NAA11: variants seen among roughly 807,000 people sequenced by gnomAD.
The protein encoded by NAA11 is N-alpha-acetyltransferase 11, NatA catalytic subunit.
Under a neutral mutation model 16.1 loss-of-function variants are expected in NAA11, and 15 were observed. The observed-to-expected ratio is 0.93, with a 90% CI of 0.62 to 1.44. The LOEUF (loss-of-function observed/expected upper bound fraction) is 1.44, where lower values mean the gene tolerates loss of function less well. Among genes scored for constraint, NAA11 ranks in the 40% most tolerant of loss-of-function variants. NAA11 has a pLI of 0.00. For synonymous variants in NAA11, 122 were observed against 112.4 expected (o/e 1.09, Z -0.54); for missense variants, 298 against 291.3 (o/e 1.02, Z -0.17).
intron 2 of NAA11, among the ~76,000 whole-genome samples, chr4:79,259,541 C>T (rs1722202409): frequency 6.6e-6 from 1 of 152,204 alleles, no homozygotes. Flanking sequence ...GCATGGGATC[C>T]AGACTGGTAG....
chr4:79,298,396 T>G (rs1723287219), intron 1 of NAA11, among the ~76,000 whole-genome samples: 1 of 152,206 alleles, frequency 6.6e-6, no homozygotes, highest in Non-Finnish European at 1.5e-5. Flanking sequence ...TGTGGCCCTT[T>G]GGGGATCCCA....
chr4:79,208,945 A>AAAAAAC, the NAA11 span, among the ~76,000 whole-genome samples: 1 of 149,040 alleles, frequency 6.7e-6, no homozygotes, highest in Non-Finnish European at 1.5e-5. Context: ...AAAAAAAAAA[A>AAAAAAC]AACCCCAAAA....
intron 2 of NAA11, among the ~76,000 whole-genome samples, chr4:79,267,874 T>C (rs1165194418): frequency 1.3e-5 from 2 of 152,124 alleles, no homozygotes; most frequent in Non-Finnish European, 2.9e-5. Context: ...CTGCCTGCCA[T>C]ATGTTCATAT....
At chr4:79,193,475 A>T in the NAA11 span, among the ~76,000 whole-genome samples, 1 of 152,178 alleles carries the variant, frequency 6.6e-6, no homozygotes, top group East Asian at 1.9e-4. Flanking sequence ...CCATTTATTA[A>T]ATAGGGAATC....
downstream of NAA11, among the ~76,000 whole-genome samples, chr4:79,222,872 C>A (rs1256077018): frequency 3.9e-5 from 6 of 151,994 alleles, no homozygotes; most frequent in African/African-American, 7.2e-5. Context: ...GACATCTATG[C>A]AGCCAAAAGA....
chr4:79,317,790 T>C lies in NAA11; in HGVS notation c.*14A>G, dbSNP rs1202588681. 6.6e-6 allele frequency: 1 copy of C among 152,222 alleles called. No homozygotes were observed. The highest frequency in any genetic ancestry group is 6.5e-5 in the Admixed American group (1 of 15,270). The allele number at this position is 152,222 out of a possible 1,614,324, so 9.4% of individuals were successfully genotyped here. A position where few individuals can be genotyped will look rare whatever the true frequency, so the allele number is the denominator to read the frequency against. On this transcript the variant is annotated splice_region_variant and 3_prime_UTR_variant, in exon 2 of 2. Transcript: ENST00000286794. The stretch of plus-strand genomic sequence containing the variant: ...GTGGTTGAGACATGAGGACCTGAAA[T>C]GCTGTTGAAAAATGAGAAGAAAACA...
intron 2 of NAA11, among the ~76,000 whole-genome samples, chr4:79,265,120 T>C (rs1333323639): frequency 6.6e-6 from 1 of 151,976 alleles, no homozygotes; most frequent in East Asian, 1.9e-4. Flanking sequence ...GTATCTGGAG[T>C]CATCCTCATG....
the NAA11 span, among the ~76,000 whole-genome samples, chr4:79,167,132 T>TA: frequency 1.7e-4 from 3 of 17,298 alleles, no homozygotes; most frequent in South Asian, 6.4e-3. Flanking sequence ...ACAGCTTATT[T>TA]TATATATATA....
chr4:79,183,991 A>AAAC, the NAA11 span, among the ~76,000 whole-genome samples: 1 of 152,258 alleles, frequency 6.6e-6, no homozygotes, highest in South Asian at 2.1e-4. Context: ...GAAGAAACCA[A>AAAC]AATGCTAGCT....
chr4:79,256,652 A>ATATATATATATATATATATATT (rs1722117866), intron 2 of NAA11, among the ~76,000 whole-genome samples: 4 of 27,370 alleles, frequency 1.5e-4, no homozygotes, highest in South Asian at 1.7e-3. Flanking sequence ...ATAAATATAA[A>ATATATATATATATATATATATT]TATATATATA....
At chr4:79,312,889 G>C (rs1322266801), downstream of NAA11, among the ~76,000 whole-genome samples, 1 of 152,130 alleles carries the variant, frequency 6.6e-6, no homozygotes, top group East Asian at 1.9e-4. Context: ...AGGAGATTAA[G>C]TACAGTTCGC....
the NAA11 span, among the ~76,000 whole-genome samples, chr4:79,166,486 G>A: frequency 6.6e-6 from 1 of 150,788 alleles, no homozygotes; most frequent in East Asian, 2.0e-4. Flanking sequence ...CTAGTAGCTA[G>A]AATTATAGGT....
chr4:79,264,338 T>G (rs189785068), intron 2 of NAA11, among the ~76,000 whole-genome samples: 53 of 152,330 alleles, frequency 3.5e-4, no homozygotes, highest in African/African-American at 1.2e-3. Context: ...GTAACATAAA[T>G]TTTTTTAAAA....
the NAA11 span, among the ~76,000 whole-genome samples, chr4:79,158,170 G>A: frequency 1.4e-5 from 2 of 141,522 alleles, no homozygotes; most frequent in Admixed American, 7.1e-5. Context: ...CAAAGTGCTG[G>A]GATTACAGCC....
At chr4:79,181,563 A>G in the NAA11 span, among the ~76,000 whole-genome samples, 1 of 152,160 alleles carries the variant, frequency 6.6e-6, no homozygotes, top group Non-Finnish European at 1.5e-5. Context: ...AAGAGACCAT[A>G]AGGTGGTTTC....
At chr4:79,303,742 G>A (rs1259204981) in intron 1 of NAA11, among the ~76,000 whole-genome samples, 2 of 152,148 alleles carry the variant, frequency 1.3e-5, no homozygotes, top group African/African-American at 4.8e-5. Context: ...CAGACTCCTT[G>A]GTAGGTTTAA....
chr4:79,158,607 A>C, the NAA11 span, among the ~76,000 whole-genome samples: 2 of 151,544 alleles, frequency 1.3e-5, no homozygotes, highest in Non-Finnish European at 2.9e-5. Flanking sequence ...ACTAAAAAAA[A>C]GTCCTAAAAT....
chr4:79,184,515 C>T, the NAA11 span, among the ~76,000 whole-genome samples: 5 of 152,194 alleles, frequency 3.3e-5, no homozygotes, highest in African/African-American at 1.2e-4. Context: ...TTGTTCTACT[C>T]ACTCAGACCT....
the NAA11 span, among the ~76,000 whole-genome samples, chr4:79,194,150 C>G: frequency 6.6e-6 from 1 of 152,066 alleles, no homozygotes; most frequent in African/African-American, 2.4e-5. Flanking sequence ...TCTAGATATA[C>G]AATCATGTCA....
Sources: gnomAD v4.1 joint callset for allele counts (sites outside exome capture counted in the v4.1 genomes callset) on GRCh38, gnomAD v4.1.1 for gene constraint, MANE v1.5 for transcripts, NCBI Gene and HGNC (gene_info 2026-07-23, HGNC 2026-07-21) for gene names.